ALDH7A1: variants seen among roughly 807,000 people sequenced by gnomAD.
ALDH7A1 encodes the protein aldehyde dehydrogenase 7 family member A1, also known as alpha-aminoadipic semialdehyde dehydrogenase.
In ALDH7A1, 63 loss-of-function variants were observed where a neutral mutation model predicts 79.9. The observed-to-expected ratio is 0.79, with a 90% CI of 0.64 to 0.97. The LOEUF is 0.97. Ranked by LOEUF, ALDH7A1 falls within the 50% of genes least tolerant of loss-of-function variation. The pLI, the probability that ALDH7A1 is intolerant of heterozygous loss-of-function variation, is 0.00. For synonymous variants in ALDH7A1, 240 were observed against 231.2 expected, an observed-to-expected ratio of 1.04 and a Z score of -0.34; for missense variants, 627 against 665.2, an observed-to-expected ratio of 0.94 and a Z score of 0.63.
chr5:126,546,268 A>G, intron 17 of ALDH7A1, 56 bp downstream of exon 17: 1 of 1,494,952 alleles, frequency 6.7e-7, no homozygotes, highest in Non-Finnish European at 9.3e-7. Context: ...GAAAGTGTAA[A>G]AGCCCATTCC....
At chr5:126,561,335 A>T (rs1750396719) in intron 9 of ALDH7A1, 2 of 354,332 alleles carry the variant, frequency 5.6e-6, no homozygotes, top group Admixed American at 8.6e-5. Context: ...TTACTATTGT[A>T]TCAATATCAA....
intron 3 of ALDH7A1, chr5:126,584,317 A>T (rs887862486): frequency 5.4e-6 from 2 of 369,464 alleles, no homozygotes; most frequent in African/African-American, 4.2e-5. Flanking sequence ...AAGCTGAGAC[A>T]GAGAAAAACA....
chr5:126,578,638 C>CAAAAAAAA (rs70994880), intron 5 of ALDH7A1, among the ~76,000 whole-genome samples: 11 of 90,380 alleles, frequency 1.2e-4, no homozygotes, highest in African/African-American at 1.7e-4. Context: ...GACCCTGTAT[C>CAAAAAAAA]AAAAAAAAAA....
chr5:126,593,358 A>G lies in ALDH7A1; in HGVS notation c.239T>C (p.Val80Ala). 1.2e-6 allele frequency: 2 copies of G among 1,606,310 alleles called. No individual in the cohort carries two copies. The highest frequency in any genetic ancestry group is 1.7e-6 in the Non-Finnish European group (2 of 1,178,456). Residue 80 changes from valine (V) to alanine (A), a missense_variant, in exon 2 of 18, where the codon GTC becomes GCC. Coordinates refer to ENST00000409134, the MANE Select transcript of ALDH7A1 (RefSeq NM_001182.5). ...ACACACACACACTCTTACCTGTCGGACTCTTGCTATTGGCTCGTTGTTAGC... is the reference window on the plus strand; with the variant it reads ...ACACACACACACTCTTACCTGTCGGGCTCTTGCTATTGGCTCGTTGTTAGC... ...CPANNEPIAR[V>A]RQASVADYEE...
chr5:126,564,441 C>A (rs898319522), intron 9 of ALDH7A1: 1 of 961,176 alleles, frequency 1.0e-6, no homozygotes, highest in Non-Finnish European at 1.3e-6. Context: ...AGCCACTGTG[C>A]CCAGCCTTAG....
At chr5:126,573,784 T>A (rs1341639365) in intron 7 of ALDH7A1, among the ~76,000 whole-genome samples, 4 of 151,122 alleles carry the variant, frequency 2.6e-5, no homozygotes. Context: ...GGACAATCGC[T>A]TGAACCTGGG....
At chr5:126,585,298 C>CA (rs548931762) in intron 3 of ALDH7A1, among the ~76,000 whole-genome samples, 219 of 151,760 alleles carry the variant, frequency 1.4e-3, no homozygotes, top group African/African-American at 4.9e-3. Context: ...AATTCTGTCT[C>CA]AAAAAAAATA....
At chr5:126,584,974 T>C (rs544220058) in intron 3 of ALDH7A1, among the ~76,000 whole-genome samples, 188 of 152,194 alleles carry the variant, frequency 1.2e-3, no homozygotes, top group African/African-American at 4.2e-3. Flanking sequence ...CTCTCTCCCA[T>C]CAAGTTCTTC....
At chr5:126,594,070 T>C (rs1751654449) in intron 1 of ALDH7A1, 1 of 372,780 alleles carries the variant, frequency 2.7e-6, no homozygotes, top group Non-Finnish European at 5.6e-6. Context: ...TATAAAAAAC[T>C]TTCTTTTAAA....
In ALDH7A1 at chr5:126,570,307, C is replaced by T. The variant is rs545081336; in HGVS notation, c.773+475G>A. The T allele has an allele frequency of 7.7e-5, 15 of 195,174 alleles. No individual in the cohort carries two copies. In the South Asian group the frequency reaches 1.2e-3, roughly 16 times the overall value. The allele number at this position is 195,174 out of a possible 1,614,324, so 12.1% of individuals were successfully genotyped here. ...GAGCATTTCATGATTTTATGGTACA[C>T]GAATTGTGAATTATATGGCAATTAA... On this transcript the variant is annotated intron_variant, in intron 8 of 17. Transcript: ENST00000409134.
chr5:126,558,186 A>C (rs1363672762), intron 11 of ALDH7A1, among the ~76,000 whole-genome samples: 2 of 150,892 alleles, frequency 1.3e-5, no homozygotes, highest in East Asian at 3.9e-4. Flanking sequence ...AAAAAAAAAA[A>C]AAAAACACAA....
At chr5:126,569,329 T>C (rs1581380236) in intron 8 of ALDH7A1, 1 of 152,158 alleles carries the variant, frequency 6.6e-6, no homozygotes, top group Admixed American at 6.5e-5. Context: ...GCCAGAAAGG[T>C]TGGGGACCGC....
At chr5:126,592,302 G>C (rs1189176398) in intron 3 of ALDH7A1, 2 of 258,330 alleles carry the variant, frequency 7.7e-6, no homozygotes, top group Admixed American at 1.0e-4. Context: ...CAGGGGGATA[G>C]AGGAGGAGCA....
At chr5:126,565,394 CAAAAAAAAAAAAAAAAAA>C (rs1162552475) in intron 9 of ALDH7A1, among the ~76,000 whole-genome samples, 1 of 63,330 alleles carries the variant, frequency 1.6e-5, no homozygotes, top group Non-Finnish European at 2.7e-5. Context: ...GATTCCATCT[CAAAAAAAAAAAAAAAAAA>C]AAAAAAAAAA....
intron 11 of ALDH7A1, among the ~76,000 whole-genome samples, chr5:126,558,874 A>G (rs945111694): frequency 7.2e-5 from 11 of 152,230 alleles, no homozygotes; most frequent in African/African-American, 2.7e-4. Flanking sequence ...ATAAAAGTGC[A>G]AGACTCTATT....
At chr5:126,587,453 C>T (rs1008497150) in intron 3 of ALDH7A1, 3 of 151,908 alleles carry the variant, frequency 2.0e-5, no homozygotes, top group South Asian at 2.1e-4. Context: ...GCCTGGCCAA[C>T]GTGGTGAAAC....
rs548221921 is a variant in ALDH7A1, at chr5:126,565,049, C to T, written c.871+3210G>A. Among the ~76,000 whole-genome samples the T allele has an allele frequency of 1.1e-4, 17 of 152,220 alleles. No homozygotes were observed. In the East Asian group the frequency reaches 1.5e-3, roughly 14 times the overall value. On this transcript the variant is annotated intron_variant, in intron 9 of 17. Transcript: ENST00000409134. ...GAAAGGTGAGAAGATGAAATCTGCTCGTGGGACTAATGATGTTGAGAATCT... is the reference window on the plus strand; with the variant it reads ...GAAAGGTGAGAAGATGAAATCTGCTTGTGGGACTAATGATGTTGAGAATCT...
intron 10 of ALDH7A1, among the ~76,000 whole-genome samples, chr5:126,560,335 G>A (rs984547398): frequency 6.6e-6 from 1 of 152,128 alleles, no homozygotes; most frequent in Non-Finnish European, 1.5e-5. Context: ...GCTGGGCATG[G>A]TGGCATGCGC....
At chr5:126,582,256 C>G in intron 5 of ALDH7A1, 2 of 395,836 alleles carry the variant, frequency 5.1e-6, no homozygotes, top group Non-Finnish European at 8.9e-6. Flanking sequence ...ATCCTTCAAC[C>G]TTTTATTGCT....
Sources: gnomAD v4.1 joint callset for allele counts (sites outside exome capture counted in the v4.1 genomes callset) on GRCh38, gnomAD v4.1.1 for gene constraint, MANE v1.5 for transcripts, NCBI Gene and HGNC (gene_info 2026-07-23, HGNC 2026-07-21) for gene names.